The following PRKAR1B variants were observed in gnomAD, a reference collection of about 807,000 sequenced individuals.
The protein encoded by PRKAR1B is cAMP-dependent protein kinase type I-beta regulatory subunit.
A neutral mutation model predicts 46.5 loss-of-function variants in PRKAR1B; 22 were observed. The ratio of observed to expected loss-of-function variants is 0.47; its 90% CI spans 0.34 to 0.68. The LOEUF (loss-of-function observed/expected upper bound fraction) is 0.68, where lower values mean the gene tolerates loss of function less well. PRKAR1B is among the 30% of genes least tolerant of loss of function. The probability of loss-of-function intolerance (pLI) is 0.01; values close to 1 mark genes in which losing one functional copy is unlikely to be tolerated. For synonymous variants in PRKAR1B, 259 were observed against 217.7 expected, an observed-to-expected ratio of 1.19 and a Z score of -1.67; for missense variants, 445 against 535.6, an observed-to-expected ratio of 0.83 and a Z score of 1.67.
chr7:724,545 T>A (rs926414587), intron 1 of PRKAR1B, among the ~76,000 whole-genome samples: 10 of 152,226 alleles, frequency 6.6e-5, no homozygotes, highest in African/African-American at 2.4e-4. Context: ...CCAGTAAACC[T>A]TTCCCTGTAT....
At chr7:632,624 C>T (rs577192410) in intron 4 of PRKAR1B, among the ~76,000 whole-genome samples, 4 of 152,336 alleles carry the variant, frequency 2.6e-5, no homozygotes, top group African/African-American at 4.8e-5. Context: ...CAGGACACTG[C>T]GGCCCTCATG....
chr7:721,626 C>A (rs1167736006), intron 1 of PRKAR1B, among the ~76,000 whole-genome samples: 11 of 149,806 alleles, frequency 7.3e-5, no homozygotes, highest in Admixed American at 2.7e-4. Flanking sequence ...CCAGCCTGGG[C>A]AACAAGAGCG....
Position 593,378 on chromosome 7 carries a change from C to T in PRKAR1B, c.708+2768G>A, listed in dbSNP as rs1314213150. Among the ~76,000 whole-genome samples the T allele has an allele frequency of 6.6e-6, 1 of 152,148 alleles. No individual in the cohort carries two copies. Among genetic ancestry groups the T allele is most frequent in the Non-Finnish European group, 1.5e-5 (1 of 68,024 alleles). On this transcript the variant is annotated intron_variant, in intron 7 of 10. Transcript: ENST00000537384. This position sits in a 1 kb window ranked among gnomAD's most constrained non-coding sequence, Gnocchi z 6.1. ...CTCGGGGCCAATACAGAAACAGACA[C>T]CATCCTGCAAATGCTCCCGTCCAAA...
chr7:726,996 C>T, intron 1 of PRKAR1B: 1 of 1,260,316 alleles, frequency 7.9e-7, no homozygotes, highest in Non-Finnish European at 1.0e-6. Context: ...CCGAGGGCTG[C>T]CGCGCGCTGG....
Position 563,577 on chromosome 7 carries a change from GGT to G in PRKAR1B, c.892-12109_892-12108del, listed in dbSNP as rs202128190. On this transcript the variant is annotated intron_variant, in intron 9 of 10. Coordinates refer to ENST00000537384, the MANE Select transcript of PRKAR1B (RefSeq NM_001164760.2). ...GTGTGCACGTGTGAGTGCGTGCACA[GGT>G]GTGTGTATGGGTGTGTTATTGTGTG... is the stretch of plus-strand genomic sequence containing the variant. 1.9e-3 allele frequency among the ~76,000 whole-genome samples: 286 copies of G among 152,180 alleles called. 1 individual carries two copies. The highest frequency in any genetic ancestry group is 5.8e-3 in the African/African-American group (240 of 41,522).
intron 2 of PRKAR1B, among the ~76,000 whole-genome samples, chr7:691,118 C>G (rs1779395337): frequency 1.3e-5 from 2 of 152,132 alleles, no homozygotes; most frequent in South Asian, 4.2e-4. Context: ...CCCACCCACA[C>G]TGGCCAGTCC....
chr7:653,897 A>C (rs1344814503), intron 4 of PRKAR1B, among the ~76,000 whole-genome samples: 1 of 151,464 alleles, frequency 6.6e-6, no homozygotes, highest in Non-Finnish European at 1.5e-5. Context: ...CACCATCACT[A>C]CCATCATCAC....
intron 4 of PRKAR1B, among the ~76,000 whole-genome samples, chr7:628,353 G>C (rs1243223312): frequency 2.0e-5 from 3 of 152,272 alleles, no homozygotes; most frequent in African/African-American, 7.2e-5. Context: ...CGAGGCGGGA[G>C]CCGCCAACAG....
At chr7:575,112 G>A (rs888903533) in intron 9 of PRKAR1B, among the ~76,000 whole-genome samples, 14 of 152,236 alleles carry the variant, frequency 9.2e-5, no homozygotes, top group African/African-American at 2.9e-4. Context: ...CACAGTTCGG[G>A]GGTTGGAGGG....
chr7:713,818 G>A (rs1780777596), intron 1 of PRKAR1B, among the ~76,000 whole-genome samples: 1 of 152,200 alleles, frequency 6.6e-6, no homozygotes, highest in African/African-American at 2.4e-5. Flanking sequence ...TCCTGCCAGG[G>A]TGAACGTAAA....
At chr7:728,616 T>G (rs1191668529), upstream of PRKAR1B, among the ~76,000 whole-genome samples, 1 of 152,228 alleles carries the variant, frequency 6.6e-6, no homozygotes, top group African/African-American at 2.4e-5. Flanking sequence ...GTATTTCTTC[T>G]TCATCCTCAA....
chr7:723,507 C>T lies in PRKAR1B; in HGVS notation c.-23+3703G>A, dbSNP rs1299255046. Among the ~76,000 whole-genome samples the T allele has an allele frequency of 3.9e-5, 6 of 152,218 alleles. No homozygotes were observed. The South Asian group carries it at 6.2e-4, about 16-fold the overall frequency. ...CTGTCAACTCTCAAGCTCCTTTCCT[C>T]GTCGCCTGCTATGTGCAGGGTATTT... On this transcript the variant is annotated intron_variant, in intron 1 of 10. Coordinates refer to ENST00000537384, the MANE Select transcript of PRKAR1B (RefSeq NM_001164760.2).
chr7:711,482 G>A lies in PRKAR1B; in HGVS notation c.24C>T (p.Pro8=). Residue 8 remains proline (P), a synonymous_variant, in exon 2 of 11, where the codon CCC becomes CCT. Coordinates refer to ENST00000537384, the MANE Select transcript of PRKAR1B (RefSeq NM_001164760.2). MASPPAC[P]SEEDESLKGC... The stretch of plus-strand genomic sequence containing the variant: ...CCTTCAGGCTCTCGTCCTCCTCCGA[G>A]GGGCAGGCGGGCGGGGAGGCCATGG... 6.2e-7 allele frequency: 1 copy of A among 1,613,514 alleles called. No individual in the cohort carries two copies. Among genetic ancestry groups the A allele is most frequent in the Non-Finnish European group, 8.5e-7 (1 of 1,179,810 alleles).
At position 551,104 on chromosome 7, in the gene PRKAR1B, G is replaced by A. The variant is rs972597167; in HGVS notation, c.973+285C>T. Among the ~76,000 whole-genome samples the A allele has an allele frequency of 2.0e-5, 3 of 152,168 alleles. No individual in the cohort carries two copies. In the East Asian group the frequency reaches 5.8e-4, roughly 29 times the overall value. ...AATGCTGGTGGCTGATGGCTACACT[G>A]TGCCCCCTCATCCCAGAAGCAGGAG... On this transcript the variant is annotated intron_variant, in intron 10 of 10. Coordinates refer to ENST00000537384, the MANE Select transcript of PRKAR1B (RefSeq NM_001164760.2).
At chr7:633,808 G>C (rs117792140) in intron 4 of PRKAR1B, among the ~76,000 whole-genome samples, 8 of 152,056 alleles carry the variant, frequency 5.3e-5, no homozygotes, top group African/African-American at 1.7e-4. Flanking sequence ...TCCTGTTCAC[G>C]GCCTTCCCAG....
intron 4 of PRKAR1B, among the ~76,000 whole-genome samples, chr7:659,119 C>T (rs961272838): frequency 1.3e-4 from 20 of 152,178 alleles, no homozygotes; most frequent in East Asian, 5.8e-4. Flanking sequence ...AATCCTAAGA[C>T]GCTGGTCTCT....
At chr7:647,265 C>T (rs1784663392) in intron 4 of PRKAR1B, among the ~76,000 whole-genome samples, 1 of 152,124 alleles carries the variant, frequency 6.6e-6, no homozygotes, top group Non-Finnish European at 1.5e-5. Context: ...CTCAGCAAAA[C>T]CCGTTGGTCT....
chr7:597,874 G>A (rs1781355265), intron 6 of PRKAR1B, among the ~76,000 whole-genome samples: 2 of 152,234 alleles, frequency 1.3e-5, no homozygotes, highest in African/African-American at 4.8e-5. Context: ...AGTTTATGGA[G>A]GCAGAACTTG....
intron 2 of PRKAR1B, among the ~76,000 whole-genome samples, chr7:709,672 G>A (rs969929758): frequency 4.6e-5 from 7 of 151,986 alleles, no homozygotes; most frequent in African/African-American, 1.7e-4. Context: ...ACCCAGCCGT[G>A]TGTATGTATT....
Sources: allele counts gnomAD v4.1 joint callset (sites outside exome capture counted in the v4.1 genomes callset), GRCh38; gene constraint gnomAD v4.1.1; non-coding constraint Gnocchi (gnomAD v3.1); transcripts MANE v1.5; gene names NCBI Gene and HGNC (gene_info 2026-07-23, HGNC 2026-07-21).